DOCK5: variants seen among roughly 807,000 people sequenced by gnomAD.
DOCK5 encodes dedicator of cytokinesis protein 5.
Under a neutral mutation model 251.8 loss-of-function variants are expected in DOCK5, and 142 were observed. The ratio of observed to expected loss-of-function variants is 0.56; its 90% confidence interval spans 0.49 to 0.65. DOCK5 has a LOEUF of 0.65. Among genes scored for constraint, DOCK5 ranks in the 30% least tolerant of loss-of-function variants. The pLI, the probability that DOCK5 is intolerant of heterozygous loss-of-function variation, is 0.00. For synonymous variants in DOCK5, 842 were observed against 835.5 expected, an observed-to-expected ratio of 1.01 and a Z score of -0.13; for missense variants, 2,111 against 2,312.3, an observed-to-expected ratio of 0.91 and a Z score of 1.79.
At chr8:25,275,511 AGG>A in intron 4 of DOCK5, 70 bp downstream of exon 4, 1 of 1,439,780 alleles carries the variant, frequency 6.9e-7, no homozygotes, top group Non-Finnish European at 9.7e-7. Context: ...GATAATCTTT[AGG>A]CATTAATGCC....
chr8:25,384,451 A>ATTTTT (rs1311005105), intron 40 of DOCK5, among the ~76,000 whole-genome samples: 54 of 26,524 alleles, frequency 2.0e-3, no homozygotes, highest in Non-Finnish European at 4.2e-3. Flanking sequence ...TTATTTATTT[A>ATTTTT]TTTATTTATT....
intron 5 of DOCK5, among the ~76,000 whole-genome samples, chr8:25,281,884 A>G (rs539098143): frequency 3.7e-4 from 20 of 53,390 alleles, no homozygotes; most frequent in African/African-American, 1.1e-3. Flanking sequence ...GTTTAAAAAA[A>G]AAAAGAAAAA....
chr8:25,225,389 A>G (rs184355789), intron 1 of DOCK5, among the ~76,000 whole-genome samples: 5 of 152,320 alleles, frequency 3.3e-5, no homozygotes, highest in Admixed American at 2.6e-4. Context: ...GTCTGACCAT[A>G]CAAAGGAATA....
At chr8:25,189,729 C>T (rs1009679895) in intron 1 of DOCK5, among the ~76,000 whole-genome samples, 5 of 152,278 alleles carry the variant, frequency 3.3e-5, no homozygotes, top group Admixed American at 2.6e-4. Flanking sequence ...TATGATGTAA[C>T]AAAAGGCAGT....
In DOCK5 at chr8:25,410,130, G is replaced by A. The variant is rs201308120; in HGVS notation, c.5436G>A (p.Ala1812=). 2.2e-5 allele frequency: 35 copies of A among 1,613,356 alleles called. No individual in the cohort carries two copies. In the East Asian group the frequency reaches 6.7e-4, roughly 31 times the overall value. Residue 1812 remains alanine, a synonymous_variant, in exon 51 of 52, where the codon GCG becomes GCA. Transcript: ENST00000276440. The part of the protein sequence containing the change: ...SSPSLQTDGI[A]ATPVPPPPPP... ...CATCGTTGCAGACAGATGGAATCGC[G>A]GCCACTCCTGTCCCACCTCCACCTC... is the stretch of plus-strand genomic sequence containing the variant.
At chr8:25,250,498 A>C (rs909372470) in intron 2 of DOCK5, among the ~76,000 whole-genome samples, 8 of 152,146 alleles carry the variant, frequency 5.3e-5, no homozygotes, top group African/African-American at 1.9e-4. Flanking sequence ...TATTACTGTG[A>C]ACGTTCCTTT....
At chr8:25,219,278 A>C (rs1802323583) in intron 1 of DOCK5, among the ~76,000 whole-genome samples, 1 of 152,122 alleles carries the variant, frequency 6.6e-6, no homozygotes, top group African/African-American at 2.4e-5. Flanking sequence ...TGGAGTTAAT[A>C]ATTGCTTCAT....
chr8:25,407,481 G>A (rs17053615), intron 48 of DOCK5, among the ~76,000 whole-genome samples: 9,396 of 152,234 alleles, frequency 0.062, 359 homozygotes, highest in South Asian at 0.1. Context: ...CCAGTCGTCT[G>A]ATGGTCTTGT....
At chr8:25,276,684 T>C (rs1804048660) in intron 4 of DOCK5, among the ~76,000 whole-genome samples, 1 of 152,192 alleles carries the variant, frequency 6.6e-6, no homozygotes, top group Non-Finnish European at 1.5e-5. Flanking sequence ...TTTTTAATTA[T>C]GATGGGCAAG....
Position 25,411,423 on chromosome 8 carries a change from T to G in DOCK5, c.*125T>G, listed in dbSNP as rs1801630539. The G allele has an allele frequency of 7.9e-7, 1 of 1,267,220 alleles. No individual in the cohort carries two copies. The highest frequency in any genetic ancestry group is 1.6e-5 in the African/African-American group (1 of 64,124). The allele number at this position is 1,267,220 out of a possible 1,614,324, so 78.5% of individuals were successfully genotyped here. A position where few individuals can be genotyped will look rare whatever the true frequency, so the allele number is the denominator to read the frequency against. On this transcript the variant is annotated 3_prime_UTR_variant, in exon 52 of 52. Transcript: ENST00000276440. ...GCATTTCCTGATCTGGGATGATGTT[T>G]ACCAGCCCAAAACCAGTCATGTTCT...
chr8:25,390,589 G>T (rs1801240254), intron 42 of DOCK5, among the ~76,000 whole-genome samples: 1 of 152,144 alleles, frequency 6.6e-6, no homozygotes, highest in Admixed American at 6.5e-5. Flanking sequence ...GGATGTGGGG[G>T]TTTTGGTTTT....
intron 1 of DOCK5, among the ~76,000 whole-genome samples, chr8:25,206,574 G>A (rs1458855518): frequency 6.6e-6 from 1 of 152,116 alleles, no homozygotes; most frequent in Non-Finnish European, 1.5e-5. Flanking sequence ...ATGACAAATA[G>A]TTACAGTACC....
intron 2 of DOCK5, among the ~76,000 whole-genome samples, chr8:25,264,404 A>G (rs758248287): frequency 6.6e-6 from 1 of 151,432 alleles, no homozygotes; most frequent in Non-Finnish European, 1.5e-5. Flanking sequence ...TCATCAATGT[A>G]TATATCCTAC....
chr8:25,254,773 C>CAAAAAAAAAAAAAAAAAAAAAAAAAAAA lies in DOCK5; in HGVS notation c.127+11025_127+11026insAAAAAAAAAAAAAAAAAAAAAAAAAAAA. On this transcript the variant is annotated intron_variant, in intron 2 of 51. Coordinates refer to ENST00000276440, the MANE Select transcript of DOCK5 (RefSeq NM_024940.8). The stretch of plus-strand genomic sequence containing the variant: ...CTGGCGACAAAGCAAGACTTTGTCT[C>CAAAAAAAAAAAAAAAAAAAAAAAAAAAA]AAAAAAAAACAAAACAAAACAAAAA... Among the ~76,000 whole-genome samples the CAAAAAAAAAAAAAAAAAAAAAAAAAAAA allele has an allele frequency of 3.0e-4, 2 of 6,560 alleles. 1 individual carries two copies. The highest frequency in any genetic ancestry group is 5.7e-4 in the Non-Finnish European group (2 of 3,534). The allele number at this position is 6,560 out of a possible 152,430, so 4.3% of individuals were successfully genotyped here. A position where few individuals can be genotyped will look rare whatever the true frequency, so the allele number is the denominator to read the frequency against.
chr8:25,239,173 G>A (rs919293985), intron 1 of DOCK5, among the ~76,000 whole-genome samples: 1 of 152,146 alleles, frequency 6.6e-6, no homozygotes, highest in African/African-American at 2.4e-5. Context: ...GAGAACATAG[G>A]AGTCTTCACT....
chr8:25,398,327 TCC>T (rs1211996790), intron 45 of DOCK5, among the ~76,000 whole-genome samples: 11 of 152,220 alleles, frequency 7.2e-5, no homozygotes, highest in African/African-American at 2.7e-4. Context: ...ATACTGACAG[TCC>T]CTCTAAATAC....
chr8:25,243,869 C>A, intron 2 of DOCK5, 112 bp downstream of exon 2: 1 of 1,045,930 alleles, frequency 9.6e-7, no homozygotes, highest in Non-Finnish European at 1.4e-6. Context: ...TGAAACAGTG[C>A]TAGTAAAAAT....
At chr8:25,335,270 C>T (rs534419014) in intron 21 of DOCK5, among the ~76,000 whole-genome samples, 1 of 152,302 alleles carries the variant, frequency 6.6e-6, no homozygotes, top group South Asian at 2.1e-4. Context: ...GCCTCACATC[C>T]AGGTGGGCAA....
At chr8:25,408,297 G>A (rs536033252) in intron 49 of DOCK5, 143 bp downstream of exon 49, 16 of 868,044 alleles carry the variant, frequency 1.8e-5, no homozygotes, top group African/African-American at 6.8e-5. Context: ...GTGTCAGGTC[G>A]CAGATTGTGG....
Sources: gnomAD v4.1 joint callset for allele counts (sites outside exome capture counted in the v4.1 genomes callset) on GRCh38, gnomAD v4.1.1 for gene constraint, MANE v1.5 for transcripts, NCBI Gene and HGNC (gene_info 2026-07-23, HGNC 2026-07-21) for gene names.